The following NRDE2 variants were observed in gnomAD, a reference collection of about 807,000 sequenced individuals.
The protein encoded by NRDE2 is nuclear exosome regulator NRDE2.
Under a neutral mutation model 124.2 loss-of-function variants are expected in NRDE2, and 76 were observed. That is an observed-to-expected ratio of 0.61 (90% CI 0.51 to 0.74). The LOEUF (loss-of-function observed/expected upper bound fraction) is 0.74, where lower values mean the gene tolerates loss of function less well. Ranked by LOEUF, NRDE2 falls within the 30% of genes least tolerant of loss-of-function variation. NRDE2 has a pLI of 0.00. For synonymous variants in NRDE2, 489 were observed against 528.1 expected, an observed-to-expected ratio of 0.93 and a Z score of 1.01; for missense variants, 1,314 against 1,417.3, an observed-to-expected ratio of 0.93 and a Z score of 1.17.
At chr14:90,309,092 T>C (rs4611387) in intron 4 of NRDE2, among the ~76,000 whole-genome samples, 2 of 151,308 alleles carry the variant, frequency 1.3e-5, no homozygotes, top group Admixed American at 1.3e-4. Context: ...AATACAAAAA[T>C]ACAAAAAAAC....
In NRDE2 at chr14:90,304,337, C is replaced by T. The variant is rs372242929; in HGVS notation, c.603G>A (p.Lys201=). The part of the protein sequence containing the change: ...GDSCLGINPK[K]QCISWEGTST... The stretch of plus-strand genomic sequence containing the variant: ...AAGTCCCTTCCCAAGATATGCACTG[C>T]TTCTTAGGGTTAATGCCAAGGCAGG... Residue 201 remains lysine (K), a synonymous_variant, in exon 5 of 14, where the codon AAG becomes AAA. Transcript: ENST00000354366. The T allele has an allele frequency of 1.2e-6, 2 of 1,613,696 alleles. No individual in the cohort carries two copies. The highest frequency in any genetic ancestry group is 8.5e-7 in the Non-Finnish European group (1 of 1,179,880).
At chr14:90,330,703 T>C (rs1259674382) in intron 1 of NRDE2, among the ~76,000 whole-genome samples, 1 of 151,574 alleles carries the variant, frequency 6.6e-6, no homozygotes, top group Non-Finnish European at 1.5e-5. Context: ...GTTCCAGCTA[T>C]TCATGAGGCT....
At chr14:90,292,995 G>A in intron 8 of NRDE2, 123 bp from the exon 9 acceptor site, 1 of 831,242 alleles carries the variant, frequency 1.2e-6, no homozygotes, top group East Asian at 2.5e-5. Flanking sequence ...AGCCATGCCA[G>A]TCTCCCAGGA....
intron 3 of NRDE2, 87 bp downstream of exon 3, chr14:90,316,491 T>G: frequency 1.1e-6 from 1 of 909,362 alleles, no homozygotes; most frequent in South Asian, 1.5e-5. Flanking sequence ...GACTAAATGG[T>G]TATTCAAATA....
chr14:90,329,184 CAAAAT>C (rs995912755), intron 1 of NRDE2, among the ~76,000 whole-genome samples: 2 of 152,166 alleles, frequency 1.3e-5, no homozygotes, highest in African/African-American at 4.8e-5. Context: ...TTCCCCCTCT[CAAAAT>C]AAAAGGATAA....
At chr14:90,327,601 T>G (rs1487912389) in intron 1 of NRDE2, among the ~76,000 whole-genome samples, 1 of 149,010 alleles carries the variant, frequency 6.7e-6, no homozygotes, top group Non-Finnish European at 1.5e-5. Flanking sequence ...AATATAAACA[T>G]TAAAAATTCA....
Position 90,325,203 on chromosome 14 carries a change from T to C in NRDE2, c.64+6638A>G, listed in dbSNP as rs531898235. ...AAAAAGGTTTGGGGGAAAAAGATAA[T>C]GTGTTTAGTTTCTTCCCCAAATATG... On this transcript the variant is annotated intron_variant, in intron 1 of 13. Coordinates refer to ENST00000354366, the MANE Select transcript of NRDE2 (RefSeq NM_017970.4). Among the ~76,000 whole-genome samples, 19 of 152,292 alleles carry C rather than the reference T, an allele frequency of 1.2e-4. No homozygotes were observed. The East Asian group carries it at 2.9e-3, about 23-fold the overall frequency.
At chr14:90,284,275 G>A (rs932447507) in intron 12 of NRDE2, among the ~76,000 whole-genome samples, 1 of 151,940 alleles carries the variant, frequency 6.6e-6, no homozygotes, top group Non-Finnish European at 1.5e-5. Flanking sequence ...ATCAAGTTTT[G>A]AGAATTTATC....
rs896446555 is a variant in NRDE2 at position 90,271,624 on chromosome 14, G to A, written c.*6712C>T. On this transcript the variant is annotated 3_prime_UTR_variant, in exon 14 of 14. Transcript: ENST00000354366. ...ACTGTCAATTGCCTCTAAGTTTCAG[G>A]GCATAATTTTGTTTATTTCCTAGGA... The A allele has an allele frequency of 2.6e-5, 4 of 151,940 alleles. No homozygotes were observed. The highest frequency in any genetic ancestry group is 9.7e-5 in the African/African-American group (4 of 41,332). The allele number at this position is 151,940 out of a possible 1,614,324, so 9.4% of individuals were successfully genotyped here.
Position 90,296,504 on chromosome 14 carries a change from C to G in NRDE2, c.1666+1756G>C, listed in dbSNP as rs1177203970. The stretch of plus-strand genomic sequence containing the variant: ...GAGTTACCCCAAAACACCTGAAGGG[C>G]CCCTCTCGCTTCTTAGTGGTAATAG... On this transcript the variant is annotated intron_variant, in intron 8 of 13. Coordinates refer to ENST00000354366, the MANE Select transcript of NRDE2 (RefSeq NM_017970.4). 2.0e-5 allele frequency among the ~76,000 whole-genome samples: 3 copies of G among 152,192 alleles called. No homozygotes were observed. The East Asian group carries it at 5.8e-4, about 29-fold the overall frequency.
intron 11 of NRDE2, among the ~76,000 whole-genome samples, 199 bp downstream of exon 11, chr14:90,288,018 C>T (rs957980707): frequency 6.6e-6 from 1 of 152,184 alleles, no homozygotes. Flanking sequence ...CACCAACCCC[C>T]CTCCTGAGAG....
Position 90,290,240 on chromosome 14 carries a change from A to C in NRDE2, c.2210T>G (p.Leu737Ter). 6.2e-7 allele frequency: 1 copy of C among 1,614,008 alleles called. No homozygotes were observed. Among genetic ancestry groups the C allele is most frequent in the Non-Finnish European group, 8.5e-7 (1 of 1,179,972 alleles). ...AATTACCTTTGCAATCTCATACTGT[A>C]ACCAGGAGAAGCAGAGCTGGGACTT... Reference protein sequence around the residue: ...KEKSQLCFSWLQYEIAKVIWC... With the variant: ...KEKSQLCFSW Residue 737 changes from leucine to a stop codon, truncating the protein, a stop_gained, in exon 10 of 14, where the codon TTA becomes TGA. Coordinates refer to ENST00000354366, the MANE Select transcript of NRDE2 (RefSeq NM_017970.4). LOFTEE classifies it high-confidence loss of function.
intron 12 of NRDE2, chr14:90,281,415 A>G (rs1891949504): frequency 6.6e-6 from 1 of 152,192 alleles, no homozygotes. Context: ...CTCTGTCTCA[A>G]AAAAACAAAA....
rs1367082393 is a variant in NRDE2, at chr14:90,268,150, T to C, written c.*10186A>G. The C allele has an allele frequency of 7.9e-7, 1 of 1,262,686 alleles. No homozygotes were observed. Among genetic ancestry groups the C allele is most frequent in the Non-Finnish European group, 1.1e-6 (1 of 937,234 alleles). The allele number at this position is 1,262,686 out of a possible 1,614,324, so 78.2% of individuals were successfully genotyped here. A position where few individuals can be genotyped will look rare whatever the true frequency, so the allele number is the denominator to read the frequency against. On this transcript the variant is annotated 3_prime_UTR_variant, in exon 14 of 14. Coordinates refer to ENST00000354366, the MANE Select transcript of NRDE2 (RefSeq NM_017970.4). The stretch of plus-strand genomic sequence containing the variant: ...TGTTTTTGGTGTCCATTTAAGGTGG[T>C]AATGATACGAGTTTTTAAGTTAAAA...
At chr14:90,307,075 G>A (rs981156823) in intron 4 of NRDE2, among the ~76,000 whole-genome samples, 5 of 152,094 alleles carry the variant, frequency 3.3e-5, no homozygotes, top group African/African-American at 1.2e-4. Context: ...AAATGTTACT[G>A]GCCTATATTA....
intron 1 of NRDE2, among the ~76,000 whole-genome samples, chr14:90,320,119 T>A (rs957747914): frequency 6.6e-6 from 1 of 152,090 alleles, no homozygotes; most frequent in Non-Finnish European, 1.5e-5. Context: ...CAGATCTTCT[T>A]TGCAGAAGTT....
At chr14:90,303,643 CTT>C (rs1884487125) in intron 5 of NRDE2, among the ~76,000 whole-genome samples, 1 of 152,130 alleles carries the variant, frequency 6.6e-6, no homozygotes, top group Non-Finnish European at 1.5e-5. Flanking sequence ...TTGTGTTGAA[CTT>C]CACCTTCTCC....
chr14:90,320,568 AC>A (rs1885206976), intron 1 of NRDE2, among the ~76,000 whole-genome samples: 1 of 152,246 alleles, frequency 6.6e-6, no homozygotes, highest in Non-Finnish European at 1.5e-5. Flanking sequence ...TGGAGGAGAT[AC>A]CATAATGTAT....
At chr14:90,312,576 G>A (rs972542565) in intron 3 of NRDE2, 33 bp from the exon 4 acceptor site, 7 of 1,610,624 alleles carry the variant, frequency 4.3e-6, no homozygotes, top group Non-Finnish European at 5.9e-6. Flanking sequence ...GAAGGGAGAG[G>A]CACTTTAAAA....
Sources: gnomAD v4.1 joint callset for allele counts (sites outside exome capture counted in the v4.1 genomes callset) on GRCh38, gnomAD v4.1.1 for gene constraint, MANE v1.5 for transcripts, NCBI Gene and HGNC (gene_info 2026-07-23, HGNC 2026-07-21) for gene names.